The following MEF2C variants were observed in gnomAD, a reference collection of about 807,000 sequenced individuals.
The protein encoded by MEF2C is myocyte-specific enhancer factor 2C.
MEF2C carries 6 observed loss-of-function variants against 50.5 expected under a neutral mutation model. The ratio of observed to expected loss-of-function variants is 0.12; its 90% CI spans 0.07 to 0.23. The LOEUF (loss-of-function observed/expected upper bound fraction) is 0.23, where lower values mean the gene tolerates loss of function less well. Among genes scored for constraint, MEF2C ranks in the 10% least tolerant of loss-of-function variants. The pLI is 1.00. For missense variants in MEF2C, 276 were observed against 605.0 expected, an observed-to-expected ratio of 0.46 and a Z score of 5.70; for synonymous variants, 183 against 228.0, an observed-to-expected ratio of 0.80 and a Z score of 1.78.
At chr5:88,741,733 T>C in intron 6 of MEF2C, 2 of 984,262 alleles carry the variant, frequency 2.0e-6, no homozygotes, top group Non-Finnish European at 2.4e-6. Context: ...TTCTTTATAA[T>C]AACTGGAGGT....
intron 4 of MEF2C, among the ~76,000 whole-genome samples, chr5:88,756,099 A>T (rs995944820): frequency 6.6e-6 from 1 of 152,208 alleles, no homozygotes; most frequent in Admixed American, 6.5e-5. Flanking sequence ...ATATACCAAG[A>T]TCATTTGTAT....
intron 9 of MEF2C, 77 bp from the exon 10 acceptor site, chr5:88,728,705 C>G: frequency 1.9e-6 from 2 of 1,051,396 alleles, no homozygotes; most frequent in Non-Finnish European, 2.5e-6. Context: ...TAAACATTTT[C>G]AATTTCCAAA....
chr5:88,848,040 C>T (rs1422984585), intron 1 of MEF2C, among the ~76,000 whole-genome samples: 3 of 152,120 alleles, frequency 2.0e-5, no homozygotes, highest in East Asian at 1.9e-4. Context: ...TCATTCAGCA[C>T]GCTTACAACT....
At chr5:88,731,046 GA>G (rs1348056072) in intron 7 of MEF2C, among the ~76,000 whole-genome samples, 8 of 152,136 alleles carry the variant, frequency 5.3e-5, no homozygotes, top group Non-Finnish European at 2.9e-5. Context: ...AGGGTCTGGG[GA>G]TATAACCTCT....
chr5:88,791,573 T>C (rs537004112), intron 3 of MEF2C, among the ~76,000 whole-genome samples: 38 of 152,160 alleles, frequency 2.5e-4, no homozygotes, highest in Admixed American at 1.5e-3. Context: ...ATGATTATTT[T>C]CTTAATAAAT....
intron 1 of MEF2C, among the ~76,000 whole-genome samples, chr5:88,828,679 AT>A (rs1302145740): frequency 6.6e-6 from 1 of 152,056 alleles, no homozygotes; most frequent in African/African-American, 2.4e-5. Flanking sequence ...AATATGTTAC[AT>A]CTAGTTACAT....
At chr5:88,791,663 C>A (rs991581656) in intron 3 of MEF2C, among the ~76,000 whole-genome samples, 3 of 152,000 alleles carry the variant, frequency 2.0e-5, no homozygotes, top group Non-Finnish European at 4.4e-5. Context: ...AATGGCTCTT[C>A]AAATTTGATC....
chr5:88,803,500 T>G (rs1359148260), intron 3 of MEF2C, among the ~76,000 whole-genome samples: 4 of 152,220 alleles, frequency 2.6e-5, no homozygotes, highest in African/African-American at 9.6e-5. Context: ...AAGAATGACG[T>G]GTACTCTGGC....
At chr5:88,870,376 TA>T (rs1829133545) in intron 1 of MEF2C, among the ~76,000 whole-genome samples, 1 of 152,000 alleles carries the variant, frequency 6.6e-6, no homozygotes, top group African/African-American at 2.4e-5. Flanking sequence ...AGTTACTCTT[TA>T]AAAAAACCTG....
intron 3 of MEF2C, among the ~76,000 whole-genome samples, chr5:88,797,547 C>T (rs903211766): frequency 1.1e-4 from 15 of 135,082 alleles, no homozygotes; most frequent in East Asian, 1.0e-3. Flanking sequence ...TGTCTTTGTA[C>T]GCGACATGGG....
In MEF2C at chr5:88,738,080, G is replaced by T. The variant is rs962251130; in HGVS notation, c.638-6179C>A. Reference sequence around the variant, plus strand: ...AAAGGTTTACAGGCATCCAGGAGTTGGGGACAAAAAAAAGATAAGGCAGAG... The same window carrying T: ...AAAGGTTTACAGGCATCCAGGAGTTTGGGACAAAAAAAAGATAAGGCAGAG... On this transcript the variant is annotated intron_variant, in intron 6 of 10. Transcript: ENST00000504921. 4.1e-6 allele frequency: 4 copies of T among 984,926 alleles called. No homozygotes were observed. In the East Asian group the frequency reaches 4.5e-4, roughly 112 times the overall value. 61.0% of individuals were successfully genotyped at this position (984,926 alleles called of 1,614,324 possible). A position where few individuals can be genotyped will look rare whatever the true frequency, so the allele number is the denominator to read the frequency against.
At chr5:88,825,760 C>T (rs1810601107) in intron 1 of MEF2C, 1 of 320,826 alleles carries the variant, frequency 3.1e-6, no homozygotes, top group Non-Finnish European at 4.5e-6. Context: ...TTCCCATGCA[C>T]GTTTAAGACC....
intron 2 of MEF2C, among the ~76,000 whole-genome samples, chr5:88,823,455 A>G (rs1809407312): frequency 6.6e-6 from 1 of 151,946 alleles, no homozygotes; most frequent in African/African-American, 2.4e-5. Context: ...ACTCTTAATT[A>G]TCAAGCTATT....
rs190082880 is a variant in MEF2C, at chr5:88,821,219, G to T, written c.54+2516C>A. On this transcript the variant is annotated intron_variant, in intron 2 of 10. Transcript: ENST00000504921. ...TGCAACTATATATAAAAAAAGAAAA[G>T]ATATTCAATTATTAGCTCAAAAGTG... 2.2e-3 allele frequency among the ~76,000 whole-genome samples: 336 copies of T among 151,946 alleles called. 4 individuals are homozygous for T. The highest frequency in any genetic ancestry group is 3.0e-3 in the Admixed American group (46 of 15,226).
chr5:88,784,397 A>G (rs1408904596), intron 3 of MEF2C, among the ~76,000 whole-genome samples: 1 of 152,230 alleles, frequency 6.6e-6, no homozygotes, highest in African/African-American at 2.4e-5. Flanking sequence ...ACAATGCTTG[A>G]GCCAATATTG....
intron 2 of MEF2C, among the ~76,000 whole-genome samples, chr5:88,816,183 C>T (rs1805253184): frequency 6.6e-6 from 1 of 151,920 alleles, no homozygotes; most frequent in Admixed American, 6.6e-5. Context: ...AAAATGTTGG[C>T]CTCTCTCAGA....
chr5:88,865,060 C>A (rs1414950279), intron 1 of MEF2C, among the ~76,000 whole-genome samples: 1 of 151,860 alleles, frequency 6.6e-6, no homozygotes, highest in Non-Finnish European at 1.5e-5. Context: ...CCATGCCTGG[C>A]CATTTAAAAA....
intron 4 of MEF2C, among the ~76,000 whole-genome samples, chr5:88,753,747 G>A (rs1306553086): frequency 1.3e-5 from 2 of 152,148 alleles, no homozygotes; most frequent in Non-Finnish European, 2.9e-5. Context: ...AAGTAATATG[G>A]TCAGTCTTTA....
intron 3 of MEF2C, among the ~76,000 whole-genome samples, chr5:88,774,547 C>T (rs933802605): frequency 6.6e-6 from 1 of 152,094 alleles, no homozygotes; most frequent in Non-Finnish European, 1.5e-5. Flanking sequence ...TGGTCTCGAT[C>T]TCCTGACCTC....
Sources: gnomAD v4.1 joint callset for allele counts (sites outside exome capture counted in the v4.1 genomes callset) on GRCh38, gnomAD v4.1.1 for gene constraint, MANE v1.5 for transcripts, NCBI Gene and HGNC (gene_info 2026-07-23, HGNC 2026-07-21) for gene names.